Variants in CSPG4 observed in about 807,000 individuals in gnomAD.
CSPG4 encodes the protein chondroitin sulfate proteoglycan 4 (melanoma-associated).
Under a neutral mutation model 139.3 loss-of-function variants are expected in CSPG4, and 74 were observed. That is an observed-to-expected ratio of 0.53 (90% confidence interval 0.44 to 0.64). The LOEUF is 0.64. Ranked by LOEUF, CSPG4 falls within the 30% of genes least tolerant of loss-of-function variation. CSPG4 has a pLI of 0.00. For synonymous variants in CSPG4, 1,234 were observed against 1,394.2 expected (o/e 0.89, Z 2.56); for missense variants, 2,565 against 3,148.3 (o/e 0.81, Z 4.43).
chr15:75,674,645 T>G lies in CSPG4; in HGVS notation c.*905A>C, dbSNP rs1164688818. ...CTGTCCAGAGCCTCCAAAGCACTGT[T>G]TATCCAGGCTCCATGGAACCAAGTG... On this transcript the variant is annotated 3_prime_UTR_variant, in exon 10 of 10. Transcript: ENST00000308508. 1 of 398,826 alleles carries G rather than the reference T, an allele frequency of 2.5e-6. No individual in the cohort carries two copies. Among genetic ancestry groups the G allele is most frequent in the Non-Finnish European group, 4.4e-6 (1 of 226,048 alleles). 24.7% of individuals were successfully genotyped at this position (398,826 alleles called of 1,614,324 possible).
chr15:75,694,506 A>T (rs906489520), intron 1 of CSPG4, among the ~76,000 whole-genome samples: 1 of 152,118 alleles, frequency 6.6e-6, no homozygotes, highest in African/African-American at 2.4e-5. Context: ...CTTGATAGGG[A>T]TAATCCGGCA....
chr15:75,712,780 T>TG lies in CSPG4; in HGVS notation c.-26dup. 3 of 1,529,498 alleles carry TG rather than the reference T, an allele frequency of 2.0e-6. No homozygotes were observed. The highest frequency in any genetic ancestry group is 1.8e-6 in the Non-Finnish European group (2 of 1,136,446). The allele number at this position is 1,529,498 out of a possible 1,614,324, so 94.7% of individuals were successfully genotyped here. The stretch of plus-strand genomic sequence containing the variant: ...TCCCGGCGGGCTGGGCGGCAGGACT[T>TG]GCGAGGAGCCAGCGGAGTCCTGGGA... On this transcript the variant is annotated 5_prime_UTR_variant, in exon 1 of 10. Coordinates refer to ENST00000308508, the MANE Select transcript of CSPG4 (RefSeq NM_001897.5).
chr15:75,690,715 A>C lies in CSPG4; in HGVS notation c.350T>G (p.Val117Gly). 1 of 1,613,172 alleles carries C rather than the reference A, an allele frequency of 6.2e-7. No homozygotes were observed. The highest frequency in any genetic ancestry group is 1.3e-5 in the African/African-American group (1 of 75,060). ...GACTGACAACGTGGCCCAGCCCTCT[A>C]CGACAGTCAGCACCACAGTGTGGGG... The part of the protein sequence containing the change: ...SIPHTVVLTV[V>G]EGWATLSVDG... The change falls in exon 3 of 10, where the codon GTA becomes GGA. Residue 117 changes from valine (V) to glycine (G), a missense_variant. Transcript: ENST00000308508.
chr15:75,687,783 C>A lies in CSPG4; in HGVS notation c.3282G>T (p.Val1094=). The A allele has an allele frequency of 6.2e-7, 1 of 1,612,878 alleles. No homozygotes were observed. Among genetic ancestry groups the A allele is most frequent in the Non-Finnish European group, 8.5e-7 (1 of 1,179,958 alleles). ...EDLRKRRVLF[V]HSGADRGWIQ... Reference sequence around the variant, plus strand: ...TCCAGCCACGGTCAGCCCCTGAGTGCACGAACAGTACTCGCCTCTTCCTGA... The same window carrying A: ...TCCAGCCACGGTCAGCCCCTGAGTGAACGAACAGTACTCGCCTCTTCCTGA... Residue 1094 remains valine (V), a synonymous_variant, in exon 3 of 10, where the codon GTG becomes GTT. Transcript: ENST00000308508. The surrounding 1 kb of genome is among the most constrained non-coding windows in gnomAD (Gnocchi z 5.4).
chr15:75,679,318 C>G (rs1053219452), intron 8 of CSPG4: 1 of 152,584 alleles, frequency 6.6e-6, no homozygotes, highest in Non-Finnish European at 1.5e-5. Flanking sequence ...TGCATCCTCT[C>G]TTTCCCTCAA....
rs754952359 is a variant in CSPG4 at position 75,682,413 on chromosome 15, G to C, written c.4830C>G (p.Ser1610Arg). 6.3e-7 allele frequency: 1 copy of C among 1,594,218 alleles called. No individual in the cohort carries two copies. Among genetic ancestry groups the C allele is most frequent in the Non-Finnish European group, 8.5e-7 (1 of 1,178,128 alleles). Residue 1610 changes from serine to arginine, a missense_variant, in exon 8 of 10, where the codon AGC becomes AGG. Coordinates refer to ENST00000308508, the MANE Select transcript of CSPG4 (RefSeq NM_001897.5). ...LSSQTLRASS[S>R]AGTDPQLLLY... ...GCAGGAGCTGGGGGTCAGTGCCTGCGCTGGAGCTGGCCCTGAGGGTCTGAC... is the reference window on the plus strand; with the variant it reads ...GCAGGAGCTGGGGGTCAGTGCCTGCCCTGGAGCTGGCCCTGAGGGTCTGAC...
intron 1 of CSPG4, among the ~76,000 whole-genome samples, chr15:75,707,840 C>G (rs1894394232): frequency 6.6e-6 from 1 of 152,152 alleles, no homozygotes; most frequent in Admixed American, 6.5e-5. Flanking sequence ...CTCTACACCC[C>G]TCTGGGGGCC....
At chr15:75,681,566 C>T (rs1893973391) in intron 8 of CSPG4, among the ~76,000 whole-genome samples, 1 of 152,240 alleles carries the variant, frequency 6.6e-6, no homozygotes, top group Admixed American at 6.5e-5. Context: ...ATCACATGTG[C>T]CGCCTGCCTG....
rs1353474477 is a variant in CSPG4, at chr15:75,690,233, G to A, written c.832C>T (p.Pro278Ser). 1 of 1,613,264 alleles carries A rather than the reference G, an allele frequency of 6.2e-7. No homozygotes were observed. Among genetic ancestry groups the A allele is most frequent in the Admixed American group, 1.7e-5 (1 of 59,994 alleles). ...QGTVLLHNSV[P>S]VADGQPHEVS... is the part of the protein sequence containing the mutation. ...TCATGGGGCTGCCCATCGGCCACAG[G>A]CACACTGTTGTGGAGCAATACGGTA... The change falls in exon 3 of 10, where the codon CCT becomes TCT. Residue 278 changes from proline (P) to serine (S), a missense_variant. By Grantham distance (74) the Pro-to-Ser change is moderately conservative. Around this residue, in one of 5 missense-constraint regions of CSPG4, gnomAD observed 2,316 missense variants for 2,818.2 expected, o/e 0.82. Coordinates refer to ENST00000308508, the MANE Select transcript of CSPG4 (RefSeq NM_001897.5).
chr15:75,712,600 C>G, intron 1 of CSPG4, 68 bp downstream of exon 1: 1 of 1,461,374 alleles, frequency 6.8e-7, no homozygotes, highest in Non-Finnish European at 9.4e-7. Flanking sequence ...CCTCCTGTCC[C>G]TTTTCCCTCC....
chr15:75,693,393 C>G (rs993679139), intron 1 of CSPG4, among the ~76,000 whole-genome samples, 160 bp from the exon 2 acceptor site: 4 of 152,132 alleles, frequency 2.6e-5, no homozygotes. Context: ...CGGGTCCCAG[C>G]ATCTTCTTGG....
chr15:75,675,194 C>T lies in CSPG4; in HGVS notation c.*356G>A, dbSNP rs1363480454. On this transcript the variant is annotated 3_prime_UTR_variant, in exon 10 of 10. Transcript: ENST00000308508. ...TCCTTGCCCTCTTAGCAGCCTGGGT[C>T]AGGCGCGACTTACCCAAGGTCACAG... The T allele has an allele frequency of 3.4e-6, 1 of 296,784 alleles. No homozygotes were observed. Among genetic ancestry groups the T allele is most frequent in the Non-Finnish European group, 6.2e-6 (1 of 161,852 alleles). The allele number at this position is 296,784 out of a possible 1,614,324, so 18.4% of individuals were successfully genotyped here. A position where few individuals can be genotyped will look rare whatever the true frequency, so the allele number is the denominator to read the frequency against.
In CSPG4 at chr15:75,694,083, C is replaced by T. The variant is rs982244813; in HGVS notation, c.89-850G>A. ...GTGGCCAAGGAACCAGGGATGAGAA[C>T]AGCTGAGTTCCTAACTTCCCCAGGC... On this transcript the variant is annotated intron_variant, in intron 1 of 9. Coordinates refer to ENST00000308508, the MANE Select transcript of CSPG4 (RefSeq NM_001897.5). Among the ~76,000 whole-genome samples the T allele has an allele frequency of 2.0e-5, 3 of 152,364 alleles. No individual in the cohort carries two copies. In the East Asian group the frequency reaches 5.8e-4, roughly 29 times the overall value.
intron 1 of CSPG4, among the ~76,000 whole-genome samples, chr15:75,700,990 G>A (rs905376790): frequency 2.0e-5 from 3 of 152,160 alleles, no homozygotes; most frequent in Non-Finnish European, 4.4e-5. Flanking sequence ...CACACCCCCA[G>A]CACACACACA....
intron 5 of CSPG4, among the ~76,000 whole-genome samples, chr15:75,683,641 GA>G (rs1158049505): frequency 6.6e-6 from 1 of 152,174 alleles, no homozygotes; most frequent in East Asian, 1.9e-4. Flanking sequence ...GGGCAAAGGG[GA>G]CCCCTTTTTC....
In CSPG4 at chr15:75,712,766, T is replaced by C. The variant is rs1462667890; in HGVS notation, c.-11A>G. ...CGGCCCGGACTGCATCCCGGCGGGC[T>C]GGGCGGCAGGACTTGCGAGGAGCCA... On this transcript the variant is annotated 5_prime_UTR_variant, in exon 1 of 10. Coordinates refer to ENST00000308508, the MANE Select transcript of CSPG4 (RefSeq NM_001897.5). The C allele has an allele frequency of 1.3e-6, 2 of 1,539,184 alleles. No homozygotes were observed. Among genetic ancestry groups the C allele is most frequent in the East Asian group, 2.5e-5 (1 of 40,042 alleles).
At chr15:75,677,649 G>A in intron 9 of CSPG4, 54 bp downstream of exon 9, 1 of 1,528,690 alleles carries the variant, frequency 6.5e-7, no homozygotes. Flanking sequence ...CCCTCCTCCT[G>A]GGCCTCTCCC....
chr15:75,695,451 C>T (rs555845200), intron 1 of CSPG4, among the ~76,000 whole-genome samples: 52 of 152,180 alleles, frequency 3.4e-4, no homozygotes, highest in Non-Finnish European at 5.0e-4. Context: ...TGGGGCTGAG[C>T]GGGAGGGGCT....
Position 75,676,540 on chromosome 15 carries a change from G to T in CSPG4, c.5979C>A (p.Gly1993=). 1 of 1,613,694 alleles carries T rather than the reference G, an allele frequency of 6.2e-7. No homozygotes were observed. The highest frequency in any genetic ancestry group is 8.5e-7 in the Non-Finnish European group (1 of 1,179,968). Residue 1993 remains glycine, a synonymous_variant, in exon 10 of 10, where the codon GGC becomes GGA. Coordinates refer to ENST00000308508, the MANE Select transcript of CSPG4 (RefSeq NM_001897.5). ...GGCTGAAGGCCGAGGTGGGCCGCCC[G>T]CCCACCAGGAGATGCCCATACTGGG... is the stretch of plus-strand genomic sequence containing the variant. ...QGPQYGHLLV[G]GRPTSAFSQF...
Sources: allele counts gnomAD v4.1 joint callset (sites outside exome capture counted in the v4.1 genomes callset), GRCh38; gene constraint gnomAD v4.1.1; regional missense constraint gnomAD v4.1.1; non-coding constraint Gnocchi (gnomAD v3.1); transcripts MANE v1.5; gene names NCBI Gene and HGNC (gene_info 2026-07-23, HGNC 2026-07-21).